The following ENPP3 variants were observed in gnomAD, a reference collection of about 807,000 sequenced individuals.
The protein encoded by ENPP3 is ectonucleotide pyrophosphatase/phosphodiesterase 3, also known as ectonucleotide pyrophosphatase/phosphodiesterase family member 3.
In ENPP3, 104 loss-of-function variants were observed where a neutral mutation model predicts 117.8. The ratio of observed to expected loss-of-function variants is 0.88; its 90% CI spans 0.75 to 1.04. ENPP3 has a LOEUF of 1.04. Ranked by LOEUF, ENPP3 falls within the 50% of genes least tolerant of loss-of-function variation. The pLI, the probability that ENPP3 is intolerant of heterozygous loss-of-function variation, is 0.00. For missense variants in ENPP3, 1,026 were observed against 1,051.9 expected, an observed-to-expected ratio of 0.98 and a Z score of 0.34; for synonymous variants, 380 against 349.9, an observed-to-expected ratio of 1.09 and a Z score of -0.96.
chr6:131,714,188 C>T (rs1277015097), intron 15 of ENPP3, among the ~76,000 whole-genome samples: 1 of 151,250 alleles, frequency 6.6e-6, no homozygotes, highest in Non-Finnish European at 1.5e-5. Flanking sequence ...ATCACTTTCC[C>T]ACCATTGTAC....
intron 14 of ENPP3, among the ~76,000 whole-genome samples, chr6:131,692,888 T>G (rs1426368469): frequency 7.0e-5 from 10 of 143,194 alleles, no homozygotes; most frequent in Non-Finnish European, 1.2e-4. Context: ...TTATATATTA[T>G]ACACTATATA....
intron 5 of ENPP3, among the ~76,000 whole-genome samples, chr6:131,654,006 CTT>C (rs2114322054): frequency 6.6e-6 from 1 of 152,170 alleles, no homozygotes; most frequent in Non-Finnish European, 1.5e-5. Flanking sequence ...GCCCTTCACA[CTT>C]TTCTGGGCCA....
intron 20 of ENPP3, among the ~76,000 whole-genome samples, chr6:131,731,142 G>A (rs927156902): frequency 1.3e-5 from 2 of 152,026 alleles, no homozygotes; most frequent in Non-Finnish European, 2.9e-5. Flanking sequence ...CCTTCTTTAT[G>A]GATGCCATAT....
chr6:131,713,693 T>C (rs1218948850), intron 15 of ENPP3, among the ~76,000 whole-genome samples: 2 of 152,140 alleles, frequency 1.3e-5, no homozygotes, highest in Non-Finnish European at 2.9e-5. Context: ...TTCTACTATA[T>C]AAAGATACAC....
At chr6:131,733,871 G>C in intron 21 of ENPP3, 148 bp downstream of exon 21, 1 of 739,084 alleles carries the variant, frequency 1.4e-6, no homozygotes, top group Non-Finnish European at 2.2e-6. Flanking sequence ...TGGCTGGCCA[G>C]AGCAGCACAG....
chr6:131,644,001 G>A (rs188359035), intron 2 of ENPP3, among the ~76,000 whole-genome samples: 3 of 151,832 alleles, frequency 2.0e-5, no homozygotes, highest in African/African-American at 4.8e-5. Context: ...ACTGAAGGAA[G>A]TGAGACAGAA....
intron 14 of ENPP3, among the ~76,000 whole-genome samples, chr6:131,686,942 C>A (rs1319588115): frequency 6.6e-6 from 1 of 152,110 alleles, no homozygotes; most frequent in East Asian, 1.9e-4. Context: ...GATTCCATGT[C>A]TTTGCTATTG....
chr6:131,646,272 C>CTGTGTGTGTG lies in ENPP3; in HGVS notation c.155-3754_155-3753insGTGTGTGTGT, dbSNP rs1483534879. ...TCTCTCTTTTCTGAGGCTCTCAATA[C>CTGTGTGTGTG]TCTGTGTGTGTGTGTGTGTGTGTGT... On this transcript the variant is annotated intron_variant, in intron 2 of 24. Coordinates refer to ENST00000357639, the MANE Select transcript of ENPP3 (RefSeq NM_005021.5). 6.2e-4 allele frequency among the ~76,000 whole-genome samples: 78 copies of CTGTGTGTGTG among 125,090 alleles called. 1 individual carries two copies. Among genetic ancestry groups the CTGTGTGTGTG allele is most frequent in the African/African-American group, 3.1e-3 (75 of 24,464 alleles). The allele number at this position is 125,090 out of a possible 152,430, so 82.1% of individuals were successfully genotyped here. A position where few individuals can be genotyped will look rare whatever the true frequency, so the allele number is the denominator to read the frequency against.
rs935651145 is a variant in ENPP3 at position 131,736,430 on chromosome 6, C to A, written c.2090-925C>A. Among the ~76,000 whole-genome samples, 3 of 152,162 alleles carry A rather than the reference C, an allele frequency of 2.0e-5. No individual in the cohort carries two copies. In the East Asian group the frequency reaches 5.8e-4, roughly 29 times the overall value. ...TTACATGGCTGCAGGCAAGAGACAG[C>A]GTGTGCAGGGGAACTCCTCTTTATA... On this transcript the variant is annotated intron_variant, in intron 21 of 24. Transcript: ENST00000357639.
intron 15 of ENPP3, 125 bp downstream of exon 15, chr6:131,693,749 T>A: frequency 1.1e-6 from 1 of 906,090 alleles, no homozygotes; most frequent in Non-Finnish European, 1.7e-6. Flanking sequence ...TTTTCTGGCC[T>A]TTTTGTATGC....
Position 131,668,206 on chromosome 6 carries a change from GTTTTTTTTTTTTTTT to G in ENPP3, c.563-3032_563-3018del, listed in dbSNP as rs557047103. ...TTTTTGAGTCGGAGTCTCGCTCTGC[GTTTTTTTTTTTTTTT>G]TTTTTTTTTGAGATGGAGTCTTGCT... is the stretch of plus-strand genomic sequence containing the variant. On this transcript the variant is annotated intron_variant, in intron 6 of 24. Coordinates refer to ENST00000357639, the MANE Select transcript of ENPP3 (RefSeq NM_005021.5). Among the ~76,000 whole-genome samples, 4 of 69,948 alleles carry G rather than the reference GTTTTTTTTTTTTTTT, an allele frequency of 5.7e-5. No homozygotes were observed. In the Admixed American group the frequency reaches 8.4e-4, roughly 15 times the overall value. 45.9% of individuals were successfully genotyped at this position (69,948 alleles called of 152,430 possible).
rs986542036 is a variant in ENPP3, at chr6:131,652,652, A to G, written c.388A>G (p.Lys130Glu). 2 of 1,614,034 alleles carry G rather than the reference A, an allele frequency of 1.2e-6. No individual in the cohort carries two copies. Among genetic ancestry groups the G allele is most frequent in the East Asian group, 4.5e-5 (2 of 44,868 alleles). The change falls in exon 4 of 25, where the codon AAG becomes GAG. Residue 130 changes from lysine (K) to glutamate (E), a missense_variant. Coordinates refer to ENST00000357639, the MANE Select transcript of ENPP3 (RefSeq NM_005021.5). ...LQRKDCCADY[K>E]SVCQGETSWL... ...GAGGAAAGATTGCTGTGCTGACTATAAGAGTGTTTGCCAAGGTGAGCAGGA... is the reference window on the plus strand; with the variant it reads ...GAGGAAAGATTGCTGTGCTGACTATGAGAGTGTTTGCCAAGGTGAGCAGGA...
intron 15 of ENPP3, among the ~76,000 whole-genome samples, chr6:131,698,116 C>T (rs1442320985): frequency 8.6e-5 from 13 of 151,354 alleles, no homozygotes; most frequent in East Asian, 1.9e-4. Context: ...TGTGTGTGTG[C>T]GTGTGTATGT....
chr6:131,696,738 T>A (rs1044538060), intron 15 of ENPP3, among the ~76,000 whole-genome samples: 1 of 151,674 alleles, frequency 6.6e-6, no homozygotes, highest in Admixed American at 6.6e-5. Flanking sequence ...CAAAGGCACC[T>A]TTTTTTCTCT....
chr6:131,729,819 G>C (rs2114550832), intron 20 of ENPP3, among the ~76,000 whole-genome samples: 1 of 152,064 alleles, frequency 6.6e-6, no homozygotes, highest in Non-Finnish European at 1.5e-5. Flanking sequence ...TTCAAGTTTG[G>C]TATGTAAGAA....
intron 2 of ENPP3, among the ~76,000 whole-genome samples, chr6:131,646,597 T>G (rs1778157541): frequency 6.6e-6 from 1 of 152,060 alleles, no homozygotes. Flanking sequence ...ACATCCAAGC[T>G]TTTACCAATT....
chr6:131,668,206 GTTTTTTTTTTT>G (rs557047103), intron 6 of ENPP3, among the ~76,000 whole-genome samples: 9 of 69,906 alleles, frequency 1.3e-4, no homozygotes, highest in African/African-American at 5.0e-4. Context: ...CTCGCTCTGC[GTTTTTTTTTTT>G]TTTTTTTTTT....
At chr6:131,723,780 T>C (rs1418237508) in intron 18 of ENPP3, among the ~76,000 whole-genome samples, 3 of 150,120 alleles carry the variant, frequency 2.0e-5, no homozygotes, top group Admixed American at 6.7e-5. Context: ...CTTTGCCCCA[T>C]TATCAATTAT....
At chr6:131,693,657 C>T (rs759455442) in intron 15 of ENPP3, 33 bp downstream of exon 15, 2 of 1,596,168 alleles carry the variant, frequency 1.3e-6, no homozygotes, top group Non-Finnish European at 1.7e-6. Flanking sequence ...CTCATAATGC[C>T]TTTAATAACC....
Sources: allele counts gnomAD v4.1 joint callset (sites outside exome capture counted in the v4.1 genomes callset), GRCh38; gene constraint gnomAD v4.1.1; transcripts MANE v1.5; gene names NCBI Gene and HGNC (gene_info 2026-07-23, HGNC 2026-07-21).